Variants in RAP1GAP2 observed in about 807,000 individuals in gnomAD.
RAP1GAP2 encodes rap1 GTPase-activating protein 2.
A neutral mutation model predicts 95.0 loss-of-function variants in RAP1GAP2; 27 were observed. That is an observed-to-expected ratio of 0.28 (90% CI 0.21 to 0.39). RAP1GAP2 has a LOEUF of 0.39. RAP1GAP2 is among the 10% of genes least tolerant of loss of function. The pLI is 1.00. For missense variants in RAP1GAP2, 771 were observed against 970.0 expected (o/e 0.79, Z 2.72); for synonymous variants, 373 against 380.9 (o/e 0.98, Z 0.24).
At chr17:3,016,021 C>A (rs183449724) in intron 17 of RAP1GAP2, among the ~76,000 whole-genome samples, 2 of 152,262 alleles carry the variant, frequency 1.3e-5, no homozygotes, top group South Asian at 4.2e-4. Context: ...CAGCCTCCCT[C>A]GACTAGCTCA....
chr17:2,875,314 G>T (rs1176335817), intron 2 of RAP1GAP2, among the ~76,000 whole-genome samples: 1 of 152,134 alleles, frequency 6.6e-6, no homozygotes, highest in African/African-American at 2.4e-5. Flanking sequence ...TGGTCTGCCT[G>T]CCTCGGCCTC....
intron 2 of RAP1GAP2, among the ~76,000 whole-genome samples, chr17:2,809,359 A>T (rs932722452): frequency 6.6e-6 from 1 of 152,194 alleles, no homozygotes; most frequent in African/African-American, 2.4e-5. Flanking sequence ...GGTGTTTTCC[A>T]TGTGGCTGGT....
At chr17:2,980,874 C>G (rs895292253) in intron 9 of RAP1GAP2, among the ~76,000 whole-genome samples, 1 of 152,198 alleles carries the variant, frequency 6.6e-6, no homozygotes, top group African/African-American at 2.4e-5. Flanking sequence ...GACCCTCACT[C>G]TGGGAGCAGG....
At chr17:2,887,459 C>T (rs2073540457) in intron 2 of RAP1GAP2, among the ~76,000 whole-genome samples, 1 of 151,854 alleles carries the variant, frequency 6.6e-6, no homozygotes, top group Non-Finnish European at 1.5e-5. Flanking sequence ...ACTACAACCT[C>T]CACCTCCTGG....
intron 1 of RAP1GAP2, among the ~76,000 whole-genome samples, chr17:2,757,373 C>T (rs1029165350): frequency 6.6e-6 from 1 of 152,212 alleles, no homozygotes; most frequent in Non-Finnish European, 1.5e-5. Flanking sequence ...CTACCCACTT[C>T]AGCCTCCCAA....
intron 8 of RAP1GAP2, among the ~76,000 whole-genome samples, chr17:2,979,825 A>G (rs753240240): frequency 6.6e-5 from 10 of 151,988 alleles, no homozygotes; most frequent in Non-Finnish European, 1.5e-4. Context: ...GTTTTCCCAC[A>G]AGGCAAGTGT....
chr17:3,009,105 G>A (rs998326717), intron 17 of RAP1GAP2, among the ~76,000 whole-genome samples: 2 of 152,116 alleles, frequency 1.3e-5, no homozygotes, highest in East Asian at 1.9e-4. Flanking sequence ...TATTAAAACC[G>A]CAGCTCTGTG....
rs2047215447 is a variant in RAP1GAP2, at chr17:3,029,118, G to GTTTT, written c.2108-1803_2108-1800dup. Among the ~76,000 whole-genome samples, 1 of 152,098 alleles carries GTTTT rather than the reference G, an allele frequency of 6.6e-6. No homozygotes were observed. Among genetic ancestry groups the GTTTT allele is most frequent in the Admixed American group, 6.6e-5 (1 of 15,262 alleles). On this transcript the variant is annotated intron_variant, in intron 22 of 24. Transcript: ENST00000254695. The surrounding 1 kb of genome is among the most constrained non-coding windows in gnomAD (Gnocchi z 4.4). ...TGACCTGGTGTTTTTGTTTTGTTTT[G>GTTTT]TTTTGTTTTCTAAATAAGACTTAAA...
intron 8 of RAP1GAP2, among the ~76,000 whole-genome samples, chr17:2,976,526 G>C (rs2045128628): frequency 6.6e-6 from 1 of 152,162 alleles, no homozygotes; most frequent in Non-Finnish European, 1.5e-5. Flanking sequence ...AAGATACTGT[G>C]TATCAAATTG....
chr17:2,819,147 T>A (rs11078359), intron 2 of RAP1GAP2, among the ~76,000 whole-genome samples: 64,079 of 150,774 alleles, frequency 0.42, 14,067 homozygotes, highest in Non-Finnish European at 0.49. Flanking sequence ...GCCTCCCAAG[T>A]ACCTGGGACT....
chr17:2,967,523 T>G lies in RAP1GAP2; in HGVS notation c.596+1880T>G, dbSNP rs571443351. On this transcript the variant is annotated intron_variant, in intron 8 of 24. Transcript: ENST00000254695. ...CAGGGATCTTTCCACATAGAATTAT[T>G]TTTGTTGTTGTGGGTCAACAGCATT... 7.9e-5 allele frequency among the ~76,000 whole-genome samples: 12 copies of G among 152,288 alleles called. No individual in the cohort carries two copies. The East Asian group carries it at 2.3e-3, about 29-fold the overall frequency.
In RAP1GAP2 at chr17:2,806,332, C is replaced by T. The variant is rs1212153312; in HGVS notation, c.80+5782C>T. Among the ~76,000 whole-genome samples the T allele has an allele frequency of 2.6e-5, 4 of 151,930 alleles. No individual in the cohort carries two copies. In the East Asian group the frequency reaches 5.8e-4, roughly 22 times the overall value. On this transcript the variant is annotated intron_variant, in intron 2 of 24. Coordinates refer to ENST00000254695, the MANE Select transcript of RAP1GAP2 (RefSeq NM_015085.5). ...GAGACATTGTCCATGAGAGCAGGGG[C>T]TTGCCACAGCCAGGAAGCTTGATTT...
In RAP1GAP2 at chr17:2,993,219, C is replaced by CA. The variant is rs201866665; in HGVS notation, c.914+1837dup. 3.9e-3 allele frequency among the ~76,000 whole-genome samples: 410 copies of CA among 105,522 alleles called. 3 individuals are homozygous for CA. Among genetic ancestry groups the CA allele is most frequent in the South Asian group, 0.012 (39 of 3,290 alleles). 69.2% of individuals were successfully genotyped at this position (105,522 alleles called of 152,430 possible). A position where few individuals can be genotyped will look rare whatever the true frequency, so the allele number is the denominator to read the frequency against. On this transcript the variant is annotated intron_variant, in intron 12 of 24. Coordinates refer to ENST00000254695, the MANE Select transcript of RAP1GAP2 (RefSeq NM_015085.5). ...CCTGGTCAATAGAGGGAGACTCTGT[C>CA]AAAAAAAAAAAAAAAGGAGGTAAAG...
At chr17:2,836,167 C>T (rs2071120438) in intron 2 of RAP1GAP2, among the ~76,000 whole-genome samples, 2 of 151,946 alleles carry the variant, frequency 1.3e-5, no homozygotes. Context: ...TTGCCTGAAG[C>T]TGTTATTTTG....
At chr17:2,792,978 A>G (rs1195314222), upstream of RAP1GAP2, among the ~76,000 whole-genome samples, 1 of 152,154 alleles carries the variant, frequency 6.6e-6, no homozygotes, top group African/African-American at 2.4e-5. Context: ...CCTAGAATGC[A>G]TGCGGCGGGC....
At chr17:2,917,366 GT>G (rs1438162586) in intron 3 of RAP1GAP2, among the ~76,000 whole-genome samples, 1 of 152,054 alleles carries the variant, frequency 6.6e-6, no homozygotes, top group Admixed American at 6.6e-5. Flanking sequence ...TGCCTCCCGG[GT>G]TCAAGCAATT....
intron 2 of RAP1GAP2, among the ~76,000 whole-genome samples, chr17:2,893,262 A>G (rs568082875): frequency 2.0e-5 from 3 of 151,704 alleles, no homozygotes; most frequent in African/African-American, 4.8e-5. Context: ...GCTGGTCTCG[A>G]ACTCCTGACC....
chr17:2,777,666 C>A (rs1030420949), intron 1 of RAP1GAP2, among the ~76,000 whole-genome samples: 1 of 152,172 alleles, frequency 6.6e-6, no homozygotes, highest in African/African-American at 2.4e-5. Flanking sequence ...CATTTGTTTT[C>A]TATAGCTCCC....
At position 2,965,303 on chromosome 17, in the gene RAP1GAP2, G is replaced by A. The variant is rs781772460; in HGVS notation, c.493-237G>A. On this transcript the variant is annotated intron_variant, in intron 7 of 24. Transcript: ENST00000254695. The surrounding 1 kb of genome is among the most constrained non-coding windows in gnomAD (Gnocchi z 4.7). ...TGAAATGGGGATGATGTTCTCTCCC[G>A]GATACAGCTGTGGTCAGGACTGAAG... 3 of 539,886 alleles carry A rather than the reference G, an allele frequency of 5.6e-6. No homozygotes were observed. The highest frequency in any genetic ancestry group is 2.2e-5 in the South Asian group (1 of 45,428). 33.4% of individuals were successfully genotyped at this position (539,886 alleles called of 1,614,324 possible).
Sources: allele counts gnomAD v4.1 joint callset (sites outside exome capture counted in the v4.1 genomes callset), GRCh38; gene constraint gnomAD v4.1.1; non-coding constraint Gnocchi (gnomAD v3.1); transcripts MANE v1.5; gene names NCBI Gene and HGNC (gene_info 2026-07-23, HGNC 2026-07-21).